CFDP1: variants seen among roughly 807,000 people sequenced by gnomAD.
CFDP1 encodes the protein heterochromatin-stabilizing protein CFDP1.
A neutral mutation model predicts 40.1 loss-of-function variants in CFDP1; 31 were observed. That is an observed-to-expected ratio of 0.77 (90% CI 0.58 to 1.04). The LOEUF (loss-of-function observed/expected upper bound fraction) is 1.04. Ranked by LOEUF, CFDP1 falls within the 50% of genes least tolerant of loss-of-function variation. The probability of loss-of-function intolerance (pLI) is 0.00; values close to 1 mark genes in which losing one functional copy is unlikely to be tolerated. For missense variants in CFDP1, 423 were observed against 343.4 expected, an observed-to-expected ratio of 1.23 and a Z score of -1.83; for synonymous variants, 167 against 120.0, an observed-to-expected ratio of 1.39 and a Z score of -2.56.
At chr16:75,392,275 C>T (rs1194730589) in intron 5 of CFDP1, among the ~76,000 whole-genome samples, 2 of 150,840 alleles carry the variant, frequency 1.3e-5, no homozygotes, top group African/African-American at 4.9e-5. Context: ...CGTGGCAGCA[C>T]GTGCCTGTAA....
chr16:75,315,879 GC>G (rs1363153249), intron 5 of CFDP1, among the ~76,000 whole-genome samples: 1 of 152,008 alleles, frequency 6.6e-6, no homozygotes, highest in Non-Finnish European at 1.5e-5. Flanking sequence ...TCCCAAAATG[GC>G]CTCGTTAGTT....
chr16:75,365,569 C>T, intron 5 of CFDP1, among the ~76,000 whole-genome samples: 1 of 152,150 alleles, frequency 6.6e-6, no homozygotes, highest in Non-Finnish European at 1.5e-5. Flanking sequence ...ATAAGATACA[C>T]AGTCAGGCAT....
At chr16:75,424,404 A>C (rs1171880786) in intron 1 of CFDP1, among the ~76,000 whole-genome samples, 1 of 152,134 alleles carries the variant, frequency 6.6e-6, no homozygotes, top group African/African-American at 2.4e-5. Flanking sequence ...TCTGTGAAAA[A>C]CCTATAGCTA....
chr16:75,428,411 C>T (rs936777686), intron 1 of CFDP1, among the ~76,000 whole-genome samples: 5 of 151,902 alleles, frequency 3.3e-5, no homozygotes, highest in Admixed American at 6.6e-5. Flanking sequence ...GTCAGGAGAT[C>T]GAGACCATCT....
intron 5 of CFDP1, among the ~76,000 whole-genome samples, chr16:75,329,095 C>T (rs1160893230): frequency 6.0e-5 from 9 of 150,416 alleles, no homozygotes; most frequent in South Asian, 4.2e-4. Flanking sequence ...GTGATCTGCC[C>T]GCCTCGGCCT....
intron 1 of CFDP1, among the ~76,000 whole-genome samples, chr16:75,432,408 G>A (rs894860734): frequency 2.8e-5 from 4 of 144,786 alleles, no homozygotes; most frequent in Admixed American, 1.4e-4. Flanking sequence ...AAAAATTAGC[G>A]GGCGTGGCAG....
chr16:75,424,975 A>T (rs980634515), intron 1 of CFDP1, among the ~76,000 whole-genome samples: 1 of 151,112 alleles, frequency 6.6e-6, no homozygotes, highest in Admixed American at 6.6e-5. Context: ...CAGAACTGGT[A>T]AATGAGTTTA....
chr16:75,324,399 T>C (rs958679629), intron 5 of CFDP1, among the ~76,000 whole-genome samples: 5 of 152,122 alleles, frequency 3.3e-5, no homozygotes, highest in Admixed American at 2.0e-4. Context: ...TCTTATCCTC[T>C]TGTGTTATGA....
chr16:75,410,827 TGA>T (rs2079154414), intron 4 of CFDP1, among the ~76,000 whole-genome samples: 2 of 145,616 alleles, frequency 1.4e-5, no homozygotes, highest in African/African-American at 5.1e-5. Context: ...GAGAATGGCG[TGA>T]ACCCAGGAGG....
chr16:75,411,774 G>C (rs1191827158), intron 4 of CFDP1, 51 bp downstream of exon 4: 14 of 1,548,974 alleles, frequency 9.0e-6, no homozygotes, highest in Non-Finnish European at 1.2e-5. Flanking sequence ...GTTAGAGAGA[G>C]ACGCTCATTT....
intron 4 of CFDP1, among the ~76,000 whole-genome samples, chr16:75,404,461 T>C (rs1178948027): frequency 6.6e-6 from 1 of 151,948 alleles, no homozygotes; most frequent in Non-Finnish European, 1.5e-5. Context: ...GACCCCATGA[T>C]CCGCCTGCCT....
At chr16:75,425,650 A>G (rs1159857619) in intron 1 of CFDP1, among the ~76,000 whole-genome samples, 1 of 151,430 alleles carries the variant, frequency 6.6e-6, no homozygotes, top group Non-Finnish European at 1.5e-5. Flanking sequence ...CTGGACATCC[A>G]GATGCAAAAG....
intron 1 of CFDP1, among the ~76,000 whole-genome samples, chr16:75,418,458 C>G (rs1266668014): frequency 1.3e-5 from 2 of 151,668 alleles, no homozygotes; most frequent in Non-Finnish European, 2.9e-5. Flanking sequence ...AGGCGTGCAC[C>G]ACCTATGCCT....
intron 5 of CFDP1, among the ~76,000 whole-genome samples, chr16:75,332,906 C>T (rs2078457296): frequency 1.3e-5 from 2 of 148,630 alleles, no homozygotes; most frequent in African/African-American, 5.0e-5. Context: ...CTCCCAGGTT[C>T]AAGTGATTCT....
chr16:75,327,794 G>A (rs1346914324), intron 5 of CFDP1, among the ~76,000 whole-genome samples: 1 of 152,104 alleles, frequency 6.6e-6, no homozygotes, highest in East Asian at 1.9e-4. Flanking sequence ...CGCGTTCTTG[G>A]CTCACTGCAA....
intron 5 of CFDP1, among the ~76,000 whole-genome samples, chr16:75,331,723 CTT>C (rs1366628964): frequency 1.6e-5 from 2 of 122,234 alleles, no homozygotes; most frequent in South Asian, 2.8e-4. Flanking sequence ...TATTGCCACA[CTT>C]TGTTTATCCA....
chr16:75,355,053 G>A (rs766871988), intron 5 of CFDP1, among the ~76,000 whole-genome samples: 1 of 152,196 alleles, frequency 6.6e-6, no homozygotes, highest in Non-Finnish European at 1.5e-5. Context: ...AGTCTATTAA[G>A]TGTGTAATAG....
chr16:75,303,680 G>C (rs1597319065), intron 6 of CFDP1, among the ~76,000 whole-genome samples: 2 of 152,100 alleles, frequency 1.3e-5, no homozygotes, highest in East Asian at 3.8e-4. Flanking sequence ...AAACTTGAAT[G>C]ACTTCGACTT....
In CFDP1 at chr16:75,325,372, T is replaced by C. The variant is rs11859700; in HGVS notation, c.651-20190A>G. On this transcript the variant is annotated intron_variant, in intron 5 of 6. Coordinates refer to ENST00000283882, the MANE Select transcript of CFDP1 (RefSeq NM_006324.3). Reference sequence around the variant, plus strand: ...CCAACGACTGTGCCCAGTTATCCCCTTGACTAACTTCCTGACCTCTTTCAA... The same window carrying C: ...CCAACGACTGTGCCCAGTTATCCCCCTGACTAACTTCCTGACCTCTTTCAA... Among the ~76,000 whole-genome samples, 624 of 152,336 alleles carry C rather than the reference T, an allele frequency of 4.1e-3. 5 individuals are homozygous for C. Among genetic ancestry groups the C allele is most frequent in the African/African-American group, 0.013 (559 of 41,588 alleles).
Sources: allele counts gnomAD v4.1 joint callset (sites outside exome capture counted in the v4.1 genomes callset), GRCh38; gene constraint gnomAD v4.1.1; transcripts MANE v1.5; gene names NCBI Gene and HGNC (gene_info 2026-07-23, HGNC 2026-07-21).